Variants in A1CF observed in about 807,000 individuals in gnomAD.
A1CF encodes the protein APOBEC-1 stimulating protein.
A neutral mutation model predicts 68.9 loss-of-function variants in A1CF; 48 were observed. The observed-to-expected ratio is 0.70, with a 90% CI of 0.55 to 0.89. The LOEUF (loss-of-function observed/expected upper bound fraction) is 0.89, where lower values mean the gene tolerates loss of function less well. Among genes scored for constraint, A1CF ranks in the 40% least tolerant of loss-of-function variants. The pLI is 0.00. For missense variants in A1CF, 653 were observed against 718.9 expected, an observed-to-expected ratio of 0.91 and a Z score of 1.05; for synonymous variants, 272 against 260.4, an observed-to-expected ratio of 1.04 and a Z score of -0.43.
intron 6 of A1CF, among the ~76,000 whole-genome samples, chr10:50,833,503 C>T (rs1460849928): frequency 1.3e-5 from 2 of 152,174 alleles, no homozygotes; most frequent in African/African-American, 2.4e-5. Context: ...GGGGAACTGC[C>T]ACTGTTTAGA....
intron 6 of A1CF, among the ~76,000 whole-genome samples, chr10:50,832,330 TA>T (rs1326727165): frequency 3.9e-5 from 6 of 152,198 alleles, no homozygotes; most frequent in African/African-American, 1.4e-4. Flanking sequence ...AGCTGGCTGT[TA>T]AAGATTTACC....
intron 5 of A1CF, among the ~76,000 whole-genome samples, chr10:50,838,954 T>G (rs1839647560): frequency 6.6e-6 from 1 of 152,188 alleles, no homozygotes; most frequent in Admixed American, 6.6e-5. Context: ...TTTTTCCTTT[T>G]CTTTTCCCTT....
chr10:50,810,541 G>A (rs2132314949), intron 11 of A1CF, among the ~76,000 whole-genome samples: 1 of 152,198 alleles, frequency 6.6e-6, no homozygotes, highest in East Asian at 1.9e-4. Context: ...GAGTGCAGTG[G>A]TACAATCTAA....
chr10:50,834,488 C>T (rs1339148851), intron 6 of A1CF, among the ~76,000 whole-genome samples: 1 of 151,944 alleles, frequency 6.6e-6, no homozygotes, highest in Non-Finnish European at 1.5e-5. Context: ...GGTGTCTGTC[C>T]TGATAGAAGG....
chr10:50,811,337 T>G (rs1838101822), intron 10 of A1CF, among the ~76,000 whole-genome samples, 161 bp from the exon 11 acceptor site: 1 of 152,220 alleles, frequency 6.6e-6, no homozygotes, highest in South Asian at 2.1e-4. Context: ...ATGAACTCAA[T>G]TTGAACTCCA....
At chr10:50,841,043 C>CA (rs1339213871) in intron 5 of A1CF, among the ~76,000 whole-genome samples, 1 of 152,336 alleles carries the variant, frequency 6.6e-6, no homozygotes, top group East Asian at 1.9e-4. Context: ...TAGACAACTG[C>CA]AGCAGCCTTC....
chr10:50,879,422 T>C (rs1035761517), intron 1 of A1CF, among the ~76,000 whole-genome samples: 1 of 152,172 alleles, frequency 6.6e-6, no homozygotes, highest in Non-Finnish European at 1.5e-5. Flanking sequence ...ACTATGTTCA[T>C]GGTGCCTGTA....
chr10:50,834,806 T>C (rs1038082814), intron 6 of A1CF, among the ~76,000 whole-genome samples: 2 of 152,120 alleles, frequency 1.3e-5, no homozygotes, highest in Non-Finnish European at 2.9e-5. Context: ...GCTGGGAGAA[T>C]AATTAGATCT....
At chr10:50,848,582 C>T (rs536882687) in intron 3 of A1CF, among the ~76,000 whole-genome samples, 1 of 152,228 alleles carries the variant, frequency 6.6e-6, no homozygotes, top group South Asian at 2.1e-4. Flanking sequence ...CCTGTTTTTT[C>T]CTGAGTAGTA....
chr10:50,830,206 AC>A (rs1287283309), intron 6 of A1CF, among the ~76,000 whole-genome samples: 4 of 152,044 alleles, frequency 2.6e-5, no homozygotes, highest in African/African-American at 9.7e-5. Context: ...AGCCCTGGTA[AC>A]CACCATTCTA....
At chr10:50,861,487 T>C (rs1365017775) in intron 2 of A1CF, among the ~76,000 whole-genome samples, 4 of 148,430 alleles carry the variant, frequency 2.7e-5, no homozygotes, top group African/African-American at 9.8e-5. Context: ...TTACTATTAC[T>C]TGAATAACAG....
Position 50,811,182 on chromosome 10 carries a change from A to T in A1CF, c.1324-6T>A, listed in dbSNP as rs747542270. On this transcript the variant is annotated splice_region_variant and splice_polypyrimidine_tract_variant and intron_variant, in intron 10 of 12. Transcript: ENST00000373997. ...TGACAAATCTCTTCTAATATCTACA[A>T]GAATAAAAAAAGTTATTTCCCCCTC... The T allele has an allele frequency of 6.3e-7, 1 of 1,597,948 alleles. No individual in the cohort carries two copies. Among genetic ancestry groups the T allele is most frequent in the East Asian group, 2.2e-5 (1 of 44,570 alleles).
intron 6 of A1CF, among the ~76,000 whole-genome samples, chr10:50,835,215 G>C (rs1839432177): frequency 6.6e-6 from 1 of 151,810 alleles, no homozygotes. Context: ...CTGTCTCCTA[G>C]TTTTGAAGAT....
At position 50,804,361 on chromosome 10, in the gene A1CF, C is replaced by A. The variant is rs899152464; in HGVS notation, c.*2368G>T. The A allele has an allele frequency of 6.6e-6, 1 of 152,054 alleles. No homozygotes were observed. The highest frequency in any genetic ancestry group is 1.5e-5 in the Non-Finnish European group (1 of 67,986). 9.4% of individuals were successfully genotyped at this position (152,054 alleles called of 1,614,324 possible). A position where few individuals can be genotyped will look rare whatever the true frequency, so the allele number is the denominator to read the frequency against. ...CATGTATTAACTAATCTTTTCATTG[C>A]GATTAAATTTAAAACTTCTCTAAAT... On this transcript the variant is annotated 3_prime_UTR_variant, in exon 13 of 13. Transcript: ENST00000373997.
At chr10:50,869,313 G>A (rs895170036) in intron 1 of A1CF, among the ~76,000 whole-genome samples, 4 of 151,990 alleles carry the variant, frequency 2.6e-5, no homozygotes, top group Non-Finnish European at 4.4e-5. Flanking sequence ...CATATAGAAG[G>A]TGCTGTAGAA....
chr10:50,857,945 G>A (rs1488445388), intron 3 of A1CF, among the ~76,000 whole-genome samples: 1 of 152,168 alleles, frequency 6.6e-6, no homozygotes, highest in Non-Finnish European at 1.5e-5. Flanking sequence ...AATCTCACAA[G>A]CTTCGATACC....
At chr10:50,865,016 G>C (rs1203982055) in intron 1 of A1CF, among the ~76,000 whole-genome samples, 1 of 152,078 alleles carries the variant, frequency 6.6e-6, no homozygotes, top group Admixed American at 6.5e-5. Flanking sequence ...ATGGGGCCGG[G>C]TGCAGTGGCT....
intron 4 of A1CF, among the ~76,000 whole-genome samples, chr10:50,842,436 C>T (rs1839824118): frequency 6.6e-6 from 1 of 152,162 alleles, no homozygotes; most frequent in African/African-American, 2.4e-5. Flanking sequence ...GATGGTGACA[C>T]CCTGAGTCTA....
chr10:50,806,710 T>C lies in A1CF; in HGVS notation c.*19A>G. 1 of 1,570,212 alleles carries C rather than the reference T, an allele frequency of 6.4e-7. No individual in the cohort carries two copies. The highest frequency in any genetic ancestry group is 8.6e-7 in the Non-Finnish European group (1 of 1,163,492). ...AATAGAGTTTTGTGTGTCTTATTCT[T>C]AAATTTAAAAAAGCATCTTCAGAAG... On this transcript the variant is annotated 3_prime_UTR_variant, in exon 13 of 13. Coordinates refer to ENST00000373997, the MANE Select transcript of A1CF (RefSeq NM_014576.4).
Sources: allele counts gnomAD v4.1 joint callset (sites outside exome capture counted in the v4.1 genomes callset), GRCh38; gene constraint gnomAD v4.1.1; transcripts MANE v1.5; gene names NCBI Gene and HGNC (gene_info 2026-07-23, HGNC 2026-07-21).